Variants in USP13 observed in about 807,000 individuals in gnomAD.
USP13 encodes ubiquitin carboxyl-terminal hydrolase 13.
In USP13, 68 loss-of-function variants were observed where a neutral mutation model predicts 107.8. The ratio of observed to expected loss-of-function variants is 0.63; its 90% CI spans 0.52 to 0.77. The LOEUF (loss-of-function observed/expected upper bound fraction) is 0.77, where lower values mean the gene tolerates loss of function less well. Ranked by LOEUF, USP13 falls within the 30% of genes least tolerant of loss-of-function variation. The pLI is 0.00. For synonymous variants in USP13, 377 were observed against 389.5 expected (o/e 0.97, Z 0.38); for missense variants, 945 against 1,093.3 (o/e 0.86, Z 1.91).
chr3:179,677,943 A>G (rs2108449899), intron 1 of USP13, among the ~76,000 whole-genome samples: 1 of 152,296 alleles, frequency 6.6e-6, no homozygotes, highest in East Asian at 1.9e-4. Flanking sequence ...AATAAACAAC[A>G]TTTATGTATT....
At chr3:179,673,106 C>T (rs556392157) in intron 1 of USP13, among the ~76,000 whole-genome samples, 12 of 152,254 alleles carry the variant, frequency 7.9e-5, no homozygotes, top group Admixed American at 1.3e-4. Context: ...GCCAAACAAA[C>T]CTGAAAAGCT....
intron 19 of USP13, among the ~76,000 whole-genome samples, chr3:179,773,332 C>T (rs969938497): frequency 5.9e-5 from 9 of 152,130 alleles, no homozygotes; most frequent in African/African-American, 2.2e-4. Flanking sequence ...GTTTTTCTCA[C>T]CAGAGGACTG....
chr3:179,713,259 A>G (rs990012806), intron 6 of USP13, among the ~76,000 whole-genome samples: 6 of 152,242 alleles, frequency 3.9e-5, no homozygotes, highest in African/African-American at 1.2e-4. Context: ...AACTTTTTGA[A>G]AAAGATCAGG....
rs140837171 is a variant in USP13 at position 179,721,512 on chromosome 3, T to A, written c.1011T>A (p.Gly337=). The A allele has an allele frequency of 3.4e-4, 552 of 1,613,970 alleles. 2 individuals are homozygous for A. The African/African-American group carries it at 6.6e-3, about 19-fold the overall frequency. ...LKPMYGPGYT[G]LKNLGNSCYL... is the part of the protein sequence containing the mutation. ...CAATGTATGGTCCTGGCTACACGGG[T>A]CTGAAGAACCTGGGCAACAGCTGCT... Residue 337 remains glycine, a synonymous_variant, in exon 8 of 21, where the codon GGT becomes GGA. Transcript: ENST00000263966. The surrounding 1 kb of genome is among the most constrained non-coding windows in gnomAD (Gnocchi z 4.3).
intron 3 of USP13, among the ~76,000 whole-genome samples, chr3:179,692,038 T>C (rs1712133929): frequency 6.6e-6 from 1 of 152,238 alleles, no homozygotes; most frequent in South Asian, 2.1e-4. Context: ...TATACAGATA[T>C]AGACATGTAT....
At chr3:179,661,593 A>T (rs557448422) in intron 1 of USP13, among the ~76,000 whole-genome samples, 6 of 151,974 alleles carry the variant, frequency 3.9e-5, no homozygotes, top group African/African-American at 1.4e-4. Flanking sequence ...AGACTATTCT[A>T]ATCTCTTGCC....
chr3:179,706,431 C>T (rs911410687), intron 4 of USP13, among the ~76,000 whole-genome samples: 2 of 152,142 alleles, frequency 1.3e-5, no homozygotes, highest in Admixed American at 1.3e-4. Flanking sequence ...ATGTCCCTGT[C>T]CAGGGTCACA....
chr3:179,788,421 G>C lies in USP13; in HGVS notation c.*4280G>C, dbSNP rs932103777. On this transcript the variant is annotated 3_prime_UTR_variant, in exon 21 of 21. Transcript: ENST00000263966. ...ACTCGGTAGACCTGTGCTATTCAAT[G>C]TGGCAGTCAACAGCCATATGTGGCG... is the stretch of plus-strand genomic sequence containing the variant. The C allele has an allele frequency of 2.0e-5, 3 of 152,182 alleles. No homozygotes were observed. The highest frequency in any genetic ancestry group is 7.2e-5 in the African/African-American group (3 of 41,428). 9.4% of individuals were successfully genotyped at this position (152,182 alleles called of 1,614,324 possible).
At chr3:179,728,788 G>T (rs13089033) in intron 8 of USP13, among the ~76,000 whole-genome samples, 2 of 151,784 alleles carry the variant, frequency 1.3e-5, no homozygotes, top group Non-Finnish European at 1.5e-5. Context: ...GAGACCGGCC[G>T]GGCCAACACA....
intron 10 of USP13, among the ~76,000 whole-genome samples, chr3:179,736,041 A>T (rs186133375): frequency 6.6e-6 from 1 of 152,158 alleles, no homozygotes; most frequent in East Asian, 1.9e-4. Context: ...TCATCTCTTT[A>T]AAAAAAGCTG....
rs73052556 is a variant in USP13, at chr3:179,653,695, T to A, written c.168+302T>A. On this transcript the variant is annotated intron_variant, in intron 1 of 20. Transcript: ENST00000263966. The surrounding 1 kb of genome is among the most constrained non-coding windows in gnomAD (Gnocchi z 4.0). ...TAGATGAAATACAAGAGTTCCCTGT[T>A]CCGAACTGCACGTTGCAGATCGTTT... 1.7e-5 allele frequency: 6 copies of A among 343,806 alleles called. No homozygotes were observed. Among genetic ancestry groups the A allele is most frequent in the East Asian group, 6.4e-5 (1 of 15,522 alleles). The allele number at this position is 343,806 out of a possible 1,614,324, so 21.3% of individuals were successfully genotyped here. A position where few individuals can be genotyped will look rare whatever the true frequency, so the allele number is the denominator to read the frequency against.
chr3:179,757,182 T>C, intron 16 of USP13, 104 bp downstream of exon 16: 1 of 1,328,914 alleles, frequency 7.5e-7, no homozygotes, highest in Non-Finnish European at 1.1e-6. Context: ...TACGTGTGTG[T>C]GTGCAGCTTT....
intron 20 of USP13, 78 bp from the exon 21 acceptor site, chr3:179,783,970 A>G (rs774063054): frequency 4.3e-6 from 5 of 1,152,510 alleles, no homozygotes; most frequent in Non-Finnish European, 6.4e-6. Flanking sequence ...GTTGTGCGCC[A>G]TATGATTTAG....
At chr3:179,748,108 A>T (rs1264690813) in intron 13 of USP13, among the ~76,000 whole-genome samples, 2 of 152,200 alleles carry the variant, frequency 1.3e-5, no homozygotes. Context: ...CAATTATCAT[A>T]TTTCATCCTC....
intron 13 of USP13, among the ~76,000 whole-genome samples, chr3:179,747,266 C>G (rs992195948): frequency 2.0e-5 from 3 of 152,194 alleles, no homozygotes; most frequent in African/African-American, 7.2e-5. Flanking sequence ...CCTCTACACA[C>G]TCTATTAGTG....
At chr3:179,714,123 C>T (rs78077660) in intron 6 of USP13, among the ~76,000 whole-genome samples, 2,074 of 152,230 alleles carry the variant, frequency 0.014, 50 homozygotes, top group African/African-American at 0.047. Flanking sequence ...TAGGGCAGGA[C>T]GGAGACGGGA....
At chr3:179,674,416 T>G (rs772394882) in intron 1 of USP13, among the ~76,000 whole-genome samples, 65 of 152,164 alleles carry the variant, frequency 4.3e-4, no homozygotes, top group Non-Finnish European at 6.6e-4. Flanking sequence ...AAAAACAACC[T>G]CATCCATCGT....
At chr3:179,739,508 G>A (rs1198448604) in intron 10 of USP13, among the ~76,000 whole-genome samples, 1 of 152,176 alleles carries the variant, frequency 6.6e-6, no homozygotes, top group Non-Finnish European at 1.5e-5. Flanking sequence ...ATACCCTCAT[G>A]GAAGGGAAGG....
Position 179,721,261 on chromosome 3 carries a change from T to A in USP13, c.901-141T>A, listed in dbSNP as rs978581817. The stretch of plus-strand genomic sequence containing the variant: ...CACCATCACCGTCTCTCAGTCTTTT[T>A]TATTTGCATTGTTTATTTCTCTATG... On this transcript the variant is annotated intron_variant, in intron 7 of 20. Coordinates refer to ENST00000263966, the MANE Select transcript of USP13 (RefSeq NM_003940.3). The surrounding 1 kb of genome is among the most constrained non-coding windows in gnomAD (Gnocchi z 4.3). The A allele has an allele frequency of 3.5e-6, 3 of 865,168 alleles. No individual in the cohort carries two copies. The African/African-American group carries it at 5.2e-5, about 15-fold the overall frequency. The allele number at this position is 865,168 out of a possible 1,614,324, so 53.6% of individuals were successfully genotyped here.
Sources: allele counts gnomAD v4.1 joint callset (sites outside exome capture counted in the v4.1 genomes callset), GRCh38; gene constraint gnomAD v4.1.1; non-coding constraint Gnocchi (gnomAD v3.1); transcripts MANE v1.5; gene names NCBI Gene and HGNC (gene_info 2026-07-23, HGNC 2026-07-21).